CCDC149: variants seen among roughly 807,000 people sequenced by gnomAD.
The protein encoded by CCDC149 is coiled-coil domain containing 149, also known as coiled-coil domain-containing protein 149.
Under a neutral mutation model 59.9 loss-of-function variants are expected in CCDC149, and 45 were observed. The observed-to-expected ratio is 0.75, with a 90% confidence interval of 0.59 to 0.96. CCDC149 has a LOEUF of 0.96. Among genes scored for constraint, CCDC149 ranks in the 40% least tolerant of loss-of-function variants. The pLI, the probability that CCDC149 is intolerant of heterozygous loss-of-function variation, is 0.00. For synonymous variants in CCDC149, 245 were observed against 260.6 expected (o/e 0.94, Z 0.58); for missense variants, 584 against 664.7 (o/e 0.88, Z 1.33).
chr4:24,863,025 G>A (rs1718473748), intron 3 of CCDC149, among the ~76,000 whole-genome samples: 1 of 152,162 alleles, frequency 6.6e-6, no homozygotes, highest in African/African-American at 2.4e-5. Context: ...GGGGGCAATG[G>A]CTCAGGCCTG....
At position 24,837,462 on chromosome 4, in the gene CCDC149, G is replaced by A. The variant is rs1716619805; in HGVS notation, c.490-62C>T. The A allele has an allele frequency of 1.3e-6, 2 of 1,540,072 alleles. No individual in the cohort carries two copies. The highest frequency in any genetic ancestry group is 1.2e-5 in the South Asian group (1 of 86,106). On this transcript the variant is annotated intron_variant, in intron 5 of 12. Coordinates refer to ENST00000635206, the MANE Select transcript of CCDC149 (RefSeq NM_001330643.2). The surrounding 1 kb of genome is among the most constrained non-coding windows in gnomAD (Gnocchi z 4.3). ...CTCAGGCTCCAGCTTTATGGCCAGAGATGGAGCCTCCCACTTGGTTGACTG... is the reference window on the plus strand; with the variant it reads ...CTCAGGCTCCAGCTTTATGGCCAGAAATGGAGCCTCCCACTTGGTTGACTG...
intron 8 of CCDC149, 31 bp from the exon 9 acceptor site, chr4:24,831,681 C>T (rs113537075): frequency 1.3e-6 from 2 of 1,595,192 alleles, no homozygotes; most frequent in Non-Finnish European, 1.7e-6. Context: ...ATAACTCAGT[C>T]GTCATTCTTC....
At chr4:24,825,009 C>T (rs946660714) in intron 9 of CCDC149, among the ~76,000 whole-genome samples, 10 of 152,204 alleles carry the variant, frequency 6.6e-5, no homozygotes, top group East Asian at 1.9e-4. Flanking sequence ...CCTGGTATGA[C>T]GCAGCCCAGG....
At chr4:24,822,034 TTGTA>T (rs1343500951) in intron 10 of CCDC149, among the ~76,000 whole-genome samples, 1 of 152,216 alleles carries the variant, frequency 6.6e-6, no homozygotes, top group Non-Finnish European at 1.5e-5. Context: ...GGACAAATCT[TTGTA>T]TGTTCTTAGA....
At chr4:24,864,113 C>T (rs1162253009) in intron 3 of CCDC149, among the ~76,000 whole-genome samples, 2 of 152,106 alleles carry the variant, frequency 1.3e-5, no homozygotes, top group African/African-American at 2.4e-5. Context: ...TAACACCCGG[C>T]GTGGGCCGGG....
At chr4:24,877,993 T>C (rs899438092) in intron 1 of CCDC149, among the ~76,000 whole-genome samples, 2 of 152,204 alleles carry the variant, frequency 1.3e-5, no homozygotes, top group Admixed American at 6.5e-5. Context: ...AAACAATTTA[T>C]AGTTTCATTA....
intron 4 of CCDC149, among the ~76,000 whole-genome samples, chr4:24,839,304 C>T (rs1302975279): frequency 2.0e-5 from 3 of 151,850 alleles, no homozygotes; most frequent in Admixed American, 6.6e-5. Context: ...CTCAGCCTCC[C>T]GAGTAGCTGG....
intron 1 of CCDC149, among the ~76,000 whole-genome samples, chr4:24,934,782 C>T (rs188981514): frequency 5.3e-4 from 81 of 152,280 alleles, no homozygotes; most frequent in African/African-American, 1.8e-3. Context: ...GATAGAAACA[C>T]TTAGTGTCTT....
chr4:24,931,310 AATAT>A lies in CCDC149; in HGVS notation c.-64-36196_-64-36193del, dbSNP rs71187200. Reference sequence around the variant, plus strand: ...ATTTATATATGTTTATTTATTTTAAAATATATATATATATATATATATCTCAGTA... The same window carrying A: ...ATTTATATATGTTTATTTATTTTAAAATATATATATATATATATCTCAGTA... On this transcript the variant is annotated intron_variant, in intron 1 of 12. Coordinates refer to the CCDC149 transcript ENST00000389609. Among the ~76,000 whole-genome samples the A allele has an allele frequency of 3.7e-3, 510 of 138,246 alleles. 12 individuals are homozygous for A. Among genetic ancestry groups the A allele is most frequent in the African/African-American group, 0.014 (488 of 35,240 alleles). 90.7% of individuals were successfully genotyped at this position (138,246 alleles called of 152,430 possible).
chr4:24,923,663 TAGAG>T (rs749808356), intron 1 of CCDC149, among the ~76,000 whole-genome samples: 2 of 151,436 alleles, frequency 1.3e-5, no homozygotes, highest in Non-Finnish European at 2.9e-5. Context: ...GACCAGAAAA[TAGAG>T]AGGAGGGAAG....
At chr4:24,951,287 T>C (rs1015136480) in intron 1 of CCDC149, among the ~76,000 whole-genome samples, 1 of 152,214 alleles carries the variant, frequency 6.6e-6, no homozygotes, top group Non-Finnish European at 1.5e-5. Context: ...GCATCCCCTC[T>C]CATTTTTGGA....
At chr4:24,906,401 T>TTTTATTTTATGTTATGTTATGTTA (rs748984036) in intron 1 of CCDC149, among the ~76,000 whole-genome samples, 1 of 102,106 alleles carries the variant, frequency 9.8e-6, no homozygotes, top group African/African-American at 3.5e-5. Flanking sequence ...TTTTATTTTA[T>TTTTATTTTATGTTATGTTATGTTA]TTTATTTTAC....
At chr4:24,934,724 C>G (rs1722690663) in intron 1 of CCDC149, among the ~76,000 whole-genome samples, 1 of 152,174 alleles carries the variant, frequency 6.6e-6, no homozygotes, top group Non-Finnish European at 1.5e-5. Flanking sequence ...CAAAGATGGT[C>G]TAGATGCACA....
At chr4:24,810,560 G>A (rs1714535698) in intron 12 of CCDC149, among the ~76,000 whole-genome samples, 1 of 152,088 alleles carries the variant, frequency 6.6e-6, no homozygotes, top group South Asian at 2.1e-4. Flanking sequence ...TTATATCCAG[G>A]AATCTTACTG....
chr4:24,916,656 G>A (rs772985716), upstream of CCDC149, among the ~76,000 whole-genome samples: 7 of 152,044 alleles, frequency 4.6e-5, no homozygotes, highest in African/African-American at 1.2e-4. Flanking sequence ...GATTTTGGCC[G>A]GGCTTCTCTC....
chr4:24,924,252 A>C (rs1722376983), intron 1 of CCDC149, among the ~76,000 whole-genome samples: 1 of 152,206 alleles, frequency 6.6e-6, no homozygotes, highest in Admixed American at 6.5e-5. Context: ...AGCTGAAAAA[A>C]AAAAAAAAGG....
At chr4:24,971,131 T>C (rs1723956622) in intron 1 of CCDC149, among the ~76,000 whole-genome samples, 1 of 152,222 alleles carries the variant, frequency 6.6e-6, no homozygotes, top group Non-Finnish European at 1.5e-5. Context: ...GCAAAGGGTC[T>C]CATGGGAGAT....
intron 3 of CCDC149, among the ~76,000 whole-genome samples, chr4:24,870,484 G>A (rs16876292): frequency 0.1 from 15,732 of 152,214 alleles, 895 homozygotes; most frequent in African/African-American, 0.16. Flanking sequence ...AACCCAGGCA[G>A]GGAGGCTGCA....
At chr4:24,882,338 C>A (rs751829923) in intron 1 of CCDC149, among the ~76,000 whole-genome samples, 4 of 152,162 alleles carry the variant, frequency 2.6e-5, no homozygotes, top group Non-Finnish European at 5.9e-5. Context: ...CTAGAAGGTT[C>A]TTTTCTCAAA....
Sources: allele counts gnomAD v4.1 joint callset (sites outside exome capture counted in the v4.1 genomes callset), GRCh38; gene constraint gnomAD v4.1.1; non-coding constraint Gnocchi (gnomAD v3.1); transcripts MANE v1.5; gene names NCBI Gene and HGNC (gene_info 2026-07-23, HGNC 2026-07-21).